The following RNF150 variants were observed in gnomAD, a reference collection of about 807,000 sequenced individuals.
RNF150 encodes the protein ring finger protein 150.
A neutral mutation model predicts 39.3 loss-of-function variants in RNF150; 24 were observed. The observed-to-expected ratio is 0.61, with a 90% CI of 0.44 to 0.86. The LOEUF is 0.86. Ranked by LOEUF, RNF150 falls within the 40% of genes least tolerant of loss-of-function variation. The pLI, the probability that RNF150 is intolerant of heterozygous loss-of-function variation, is 0.00. For synonymous variants in RNF150, 255 were observed against 227.3 expected (o/e 1.12, Z -1.10); for missense variants, 502 against 587.8 (o/e 0.85, Z 1.51).
At chr4:140,912,159 TG>T (rs1419079802) in intron 5 of RNF150, among the ~76,000 whole-genome samples, 1 of 152,210 alleles carries the variant, frequency 6.6e-6, no homozygotes, top group African/African-American at 2.4e-5. Flanking sequence ...CTATTATTAT[TG>T]GGCAAAATCT....
intron 1 of RNF150, among the ~76,000 whole-genome samples, chr4:141,114,319 A>T (rs1739481154): frequency 6.6e-6 from 1 of 152,154 alleles, no homozygotes; most frequent in Admixed American, 6.6e-5. Flanking sequence ...AATGACGAGG[A>T]TATCACCACT....
intron 5 of RNF150, among the ~76,000 whole-genome samples, chr4:140,921,787 A>G (rs1487852917): frequency 6.6e-6 from 1 of 152,228 alleles, no homozygotes; most frequent in Non-Finnish European, 1.5e-5. Flanking sequence ...AGTGGGCTTC[A>G]TCCCTGGGAT....
intron 1 of RNF150, among the ~76,000 whole-genome samples, chr4:141,086,262 GT>G (rs1438057432): frequency 2.6e-5 from 4 of 152,108 alleles, no homozygotes; most frequent in African/African-American, 7.2e-5. Flanking sequence ...TCTGATGAAG[GT>G]GTGCTAACAT....
At chr4:141,081,286 C>G (rs1361114771) in intron 1 of RNF150, among the ~76,000 whole-genome samples, 6 of 152,142 alleles carry the variant, frequency 3.9e-5, no homozygotes, top group Non-Finnish European at 8.8e-5. Flanking sequence ...TCTCAGTGCT[C>G]CATCTTAACT....
chr4:141,016,488 C>G (rs1339209123), intron 1 of RNF150, among the ~76,000 whole-genome samples: 3 of 152,220 alleles, frequency 2.0e-5, no homozygotes, highest in Non-Finnish European at 4.4e-5. Flanking sequence ...CTGCTGCTCT[C>G]AGCACACTGC....
chr4:140,871,002 CTA>C (rs762860233), intron 6 of RNF150, among the ~76,000 whole-genome samples: 39,298 of 143,786 alleles, frequency 0.27, 5,567 homozygotes, highest in East Asian at 0.46. Flanking sequence ...CTCTCTCTCT[CTA>C]TATATATATA....
intron 6 of RNF150, among the ~76,000 whole-genome samples, chr4:140,882,711 C>G (rs1254246932): frequency 6.6e-6 from 1 of 152,068 alleles, no homozygotes; most frequent in Non-Finnish European, 1.5e-5. Flanking sequence ...TTTACTTAGT[C>G]TAATTTTTTC....
chr4:141,049,309 A>T (rs1736692773), intron 1 of RNF150, among the ~76,000 whole-genome samples: 1 of 151,828 alleles, frequency 6.6e-6, no homozygotes. Context: ...GAATCCAGAG[A>T]TAAAAAAAAG....
At chr4:140,925,343 T>C (rs1731348937) in intron 5 of RNF150, among the ~76,000 whole-genome samples, 1 of 152,194 alleles carries the variant, frequency 6.6e-6, no homozygotes. Flanking sequence ...TGATTCTCTT[T>C]GTACAGGGGA....
chr4:140,859,993 C>T lies in RNF150; in HGVS notation c.*8268G>A, dbSNP rs879801112. ...AACAAAAATAACCATGTTGTAATGA[C>T]TGTTTCCAACTATCACCCTTGTTTC... On this transcript the variant is annotated 3_prime_UTR_variant, in exon 7 of 7. Coordinates refer to ENST00000515673, the MANE Select transcript of RNF150 (RefSeq NM_020724.2). 3 of 152,130 alleles carry T rather than the reference C, an allele frequency of 2.0e-5. No individual in the cohort carries two copies. Among genetic ancestry groups the T allele is most frequent in the Admixed American group, 2.0e-4 (3 of 15,276 alleles). The allele number at this position is 152,130 out of a possible 1,614,324, so 9.4% of individuals were successfully genotyped here. A position where few individuals can be genotyped will look rare whatever the true frequency, so the allele number is the denominator to read the frequency against.
intron 6 of RNF150, among the ~76,000 whole-genome samples, chr4:140,895,347 T>C (rs1729902869): frequency 6.6e-6 from 1 of 152,116 alleles, no homozygotes; most frequent in Non-Finnish European, 1.5e-5. Context: ...AAGTAGAAAA[T>C]GGGCATATTA....
Position 140,911,346 on chromosome 4 carries a change from G to A in RNF150, c.996C>T (p.Ala332=), listed in dbSNP as rs369968625. 23 of 1,614,014 alleles carry A rather than the reference G, an allele frequency of 1.4e-5. No individual in the cohort carries two copies. In the African/African-American group the frequency reaches 2.0e-4, roughly 14 times the overall value. The change falls in exon 6 of 7, where the codon GCC becomes GCT. Residue 332 remains alanine, a synonymous_variant. Transcript: ENST00000515673. ...CAGTGGGCAAGTCGTCCATGCAGTC[G>A]GCATTGGGCTGATGGGGCAGAAAAA... is the stretch of plus-strand genomic sequence containing the variant. The part of the protein sequence containing the change: ...ILKALGIPPN[A]DCMDDLPTDF...
intron 2 of RNF150, among the ~76,000 whole-genome samples, chr4:140,950,605 C>T (rs1732505172): frequency 1.3e-5 from 2 of 152,194 alleles, no homozygotes; most frequent in African/African-American, 4.8e-5. Flanking sequence ...ACCCGGTCAA[C>T]CAATCAGCCA....
chr4:141,029,616 C>G (rs1307221703), intron 1 of RNF150, among the ~76,000 whole-genome samples: 1 of 152,140 alleles, frequency 6.6e-6, no homozygotes, highest in African/African-American at 2.4e-5. Flanking sequence ...AAAGTCAATG[C>G]TAATTTGGGC....
intron 1 of RNF150, among the ~76,000 whole-genome samples, chr4:141,031,564 C>A (rs996070257): frequency 1.3e-5 from 2 of 151,830 alleles, no homozygotes; most frequent in Non-Finnish European, 2.9e-5. Flanking sequence ...TAGGAAAAAA[C>A]CAAATTACTC....
intron 6 of RNF150, among the ~76,000 whole-genome samples, chr4:140,891,744 C>T (rs1729761145): frequency 6.6e-6 from 1 of 152,130 alleles, no homozygotes; most frequent in African/African-American, 2.4e-5. Flanking sequence ...GGTACCAGTC[C>T]ATGGTCTGTT....
intron 4 of RNF150, among the ~76,000 whole-genome samples, chr4:140,929,656 G>C (rs561310662): frequency 6.6e-6 from 1 of 152,082 alleles, no homozygotes; most frequent in South Asian, 2.1e-4. Flanking sequence ...GTGAGACACC[G>C]TGCCCGGCCT....
chr4:140,944,481 G>C (rs1176294831), intron 4 of RNF150: 1 of 152,160 alleles, frequency 6.6e-6, no homozygotes, highest in African/African-American at 2.4e-5. Flanking sequence ...GGATGAAGGG[G>C]AAGACATGGT....
intron 1 of RNF150, among the ~76,000 whole-genome samples, chr4:141,089,711 G>A (rs1021653401): frequency 6.6e-6 from 1 of 152,122 alleles, no homozygotes; most frequent in African/African-American, 2.4e-5. Context: ...AGAAGAAACA[G>A]TACAGGATAC....
Sources: allele counts gnomAD v4.1 joint callset (sites outside exome capture counted in the v4.1 genomes callset), GRCh38; gene constraint gnomAD v4.1.1; transcripts MANE v1.5; gene names NCBI Gene and HGNC (gene_info 2026-07-23, HGNC 2026-07-21).